ITGA8: variants seen among roughly 807,000 people sequenced by gnomAD.
The protein encoded by ITGA8 is integrin subunit alpha 8.
Under a neutral mutation model 142.3 loss-of-function variants are expected in ITGA8, and 91 were observed. The observed-to-expected ratio is 0.64, with a 90% CI of 0.54 to 0.76. The LOEUF (loss-of-function observed/expected upper bound fraction) is 0.76, where lower values mean the gene tolerates loss of function less well. Ranked by LOEUF, ITGA8 falls within the 30% of genes least tolerant of loss-of-function variation. ITGA8 has a pLI of 0.00. For synonymous variants in ITGA8, 505 were observed against 485.2 expected (o/e 1.04, Z -0.54); for missense variants, 1,406 against 1,327.7 (o/e 1.06, Z -0.92).
intron 23 of ITGA8, among the ~76,000 whole-genome samples, chr10:15,578,309 G>T (rs559695154): frequency 1.3e-4 from 20 of 152,086 alleles, no homozygotes; most frequent in African/African-American, 4.8e-4. Context: ...TTTTGACTCT[G>T]CATACTTCCC....
intron 13 of ITGA8, 29 bp downstream of exon 13, chr10:15,644,001 C>T: frequency 6.3e-7 from 1 of 1,593,226 alleles, no homozygotes; most frequent in Admixed American, 1.7e-5. Flanking sequence ...GACGTAGACT[C>T]TCACGTGGGA....
intron 4 of ITGA8, among the ~76,000 whole-genome samples, chr10:15,682,845 C>A (rs1301042970): frequency 9.9e-6 from 1 of 101,460 alleles, no homozygotes; most frequent in East Asian, 2.7e-4. Context: ...CAGAGTGAGA[C>A]CCTGTCTCAA....
At chr10:15,633,839 G>A (rs184514701) in intron 13 of ITGA8, among the ~76,000 whole-genome samples, 1 of 152,104 alleles carries the variant, frequency 6.6e-6, no homozygotes, top group East Asian at 1.9e-4. Flanking sequence ...TGTATCCCTT[G>A]ATAATACAAA....
At chr10:15,593,703 G>C (rs976460583) in intron 21 of ITGA8, among the ~76,000 whole-genome samples, 1 of 152,150 alleles carries the variant, frequency 6.6e-6, no homozygotes, top group Non-Finnish European at 1.5e-5. Context: ...TGTCCGAATG[G>C]CTTTACATTT....
intron 13 of ITGA8, among the ~76,000 whole-genome samples, chr10:15,633,350 C>G (rs1231212932): frequency 1.3e-5 from 2 of 152,158 alleles, no homozygotes; most frequent in African/African-American, 4.8e-5. Flanking sequence ...GCAGTACATA[C>G]TAACAAAGAC....
intron 27 of ITGA8, among the ~76,000 whole-genome samples, chr10:15,535,272 T>G (rs1207396406): frequency 6.6e-6 from 1 of 152,088 alleles, no homozygotes; most frequent in East Asian, 1.9e-4. Context: ...CACCGCCCCC[T>G]GCTCCACGGT....
chr10:15,535,784 T>C (rs1374284070), intron 27 of ITGA8, among the ~76,000 whole-genome samples: 1 of 152,132 alleles, frequency 6.6e-6, no homozygotes, highest in Non-Finnish European at 1.5e-5. Flanking sequence ...AGTGGCAACC[T>C]GCTGGGGTCC....
At chr10:15,656,284 G>A (rs1470880323) in intron 10 of ITGA8, among the ~76,000 whole-genome samples, 5 of 152,058 alleles carry the variant, frequency 3.3e-5, no homozygotes, top group African/African-American at 7.2e-5. Context: ...AATTTGTATC[G>A]TGCTCATAGT....
In ITGA8 at chr10:15,659,495, C is replaced by G. The variant is rs185667662; in HGVS notation, c.892-440G>C. Among the ~76,000 whole-genome samples the G allele has an allele frequency of 5.9e-4, 90 of 152,246 alleles. 1 individual carries two copies. Among genetic ancestry groups the G allele is most frequent in the African/African-American group, 1.4e-3 (60 of 41,540 alleles). On this transcript the variant is annotated intron_variant, in intron 9 of 29. Transcript: ENST00000378076. ...TTCCTTTTACTTCTACTTAGACAAC[C>G]GTGATGCTTTCTAGATACTTTTGTA...
At chr10:15,690,396 C>A (rs1588726816) in intron 2 of ITGA8, among the ~76,000 whole-genome samples, 1 of 152,174 alleles carries the variant, frequency 6.6e-6, no homozygotes, top group Non-Finnish European at 1.5e-5. Flanking sequence ...ACCCTCACAC[C>A]CAGGATCACT....
At chr10:15,657,509 C>CTTTTT (rs534714654) in intron 10 of ITGA8, among the ~76,000 whole-genome samples, 35,586 of 112,232 alleles carry the variant, frequency 0.32, 6,138 homozygotes, top group South Asian at 0.45. Context: ...TCTTTTCTTT[C>CTTTTT]ATTTTTTTTT....
chr10:15,700,081 T>C (rs1334659217), intron 2 of ITGA8, among the ~76,000 whole-genome samples: 4 of 152,246 alleles, frequency 2.6e-5, no homozygotes, highest in Non-Finnish European at 5.9e-5. Context: ...AAGTATCATC[T>C]TCCAATATTT....
At chr10:15,687,259 T>C (rs11596558) in intron 3 of ITGA8, among the ~76,000 whole-genome samples, 121 of 152,110 alleles carry the variant, frequency 8.0e-4, no homozygotes, top group Non-Finnish European at 1.4e-3. Flanking sequence ...GCCAAAGTTA[T>C]TGCTTTATTG....
rs571769364 is a variant in ITGA8 at position 15,549,435 on chromosome 10, T to A, written c.2767-867A>T. Reference sequence around the variant, plus strand: ...CATGTTGGCCAGGCTGGTCTCGCACTCCTGACCTCAGGTGATCCACCCGCC... The same window carrying A: ...CATGTTGGCCAGGCTGGTCTCGCACACCTGACCTCAGGTGATCCACCCGCC... On this transcript the variant is annotated intron_variant, in intron 26 of 29. Transcript: ENST00000378076. Among the ~76,000 whole-genome samples, 257 of 152,230 alleles carry A rather than the reference T, an allele frequency of 1.7e-3. 1 individual carries two copies. Among genetic ancestry groups the A allele is most frequent in the Non-Finnish European group, 2.0e-3 (133 of 68,008 alleles).
At chr10:15,542,958 CATT>C (rs1269274106) in intron 27 of ITGA8, among the ~76,000 whole-genome samples, 5 of 152,108 alleles carry the variant, frequency 3.3e-5, no homozygotes, top group African/African-American at 9.7e-5. Flanking sequence ...CGTAAAGAGC[CATT>C]TAGATGTAGT....
chr10:15,551,602 A>G (rs1005633714), intron 26 of ITGA8, among the ~76,000 whole-genome samples: 5 of 152,116 alleles, frequency 3.3e-5, no homozygotes, highest in Non-Finnish European at 7.3e-5. Flanking sequence ...GCGGAGGAGA[A>G]ATTATTTTTC....
intron 11 of ITGA8, among the ~76,000 whole-genome samples, chr10:15,654,754 A>G (rs1834152175): frequency 6.6e-6 from 1 of 152,222 alleles, no homozygotes; most frequent in South Asian, 2.1e-4. Context: ...TAATTGATAC[A>G]TCTCAATCTA....
intron 8 of ITGA8, among the ~76,000 whole-genome samples, chr10:15,662,842 A>G (rs1231361107): frequency 6.6e-6 from 1 of 152,140 alleles, no homozygotes; most frequent in East Asian, 1.9e-4. Context: ...TTTCCAACAC[A>G]TCAAATTACA....
In ITGA8 at chr10:15,516,952, G is replaced by T. The variant is rs1832972746; in HGVS notation, c.*206C>A. 1 of 451,882 alleles carries T rather than the reference G, an allele frequency of 2.2e-6. No homozygotes were observed. Among genetic ancestry groups the T allele is most frequent in the Non-Finnish European group, 3.9e-6 (1 of 253,178 alleles). The allele number at this position is 451,882 out of a possible 1,614,324, so 28.0% of individuals were successfully genotyped here. A position where few individuals can be genotyped will look rare whatever the true frequency, so the allele number is the denominator to read the frequency against. On this transcript the variant is annotated 3_prime_UTR_variant, in exon 30 of 30. Coordinates refer to ENST00000378076, the MANE Select transcript of ITGA8 (RefSeq NM_003638.3). ...AATTGCTGATGGCTTCTCCAGCTTT[G>T]GTGTTTCCTTTTCCAACAGGGCTCA...
Sources: gnomAD v4.1 joint callset for allele counts (sites outside exome capture counted in the v4.1 genomes callset) on GRCh38, gnomAD v4.1.1 for gene constraint, MANE v1.5 for transcripts, NCBI Gene and HGNC (gene_info 2026-07-23, HGNC 2026-07-21) for gene names.